Variants in FERMT1 observed in about 807,000 individuals in gnomAD.
FERMT1 encodes fermitin family homolog 1.
FERMT1 carries 60 observed loss-of-function variants against 85.3 expected under a neutral mutation model. The observed-to-expected ratio is 0.70, with a 90% CI of 0.57 to 0.87. The LOEUF is 0.87. FERMT1 is among the 40% of genes least tolerant of loss of function. FERMT1 has a pLI of 0.00. For synonymous variants in FERMT1, 275 were observed against 301.1 expected (o/e 0.91, Z 0.90); for missense variants, 701 against 818.9 (o/e 0.86, Z 1.76).
At chr20:6,119,362 G>C (rs755586286) in intron 2 of FERMT1, 42 bp downstream of exon 2, 1 of 1,596,164 alleles carries the variant, frequency 6.3e-7, no homozygotes. Flanking sequence ...GCACCAGACA[G>C]GGTTTCTAAT....
intron 11 of FERMT1, among the ~76,000 whole-genome samples, chr20:6,086,804 T>C (rs1982200151): frequency 6.6e-6 from 1 of 152,168 alleles, no homozygotes; most frequent in South Asian, 2.1e-4. Flanking sequence ...GCTAAGATTG[T>C]AAGTTTCCTG....
chr20:6,083,113 G>A (rs989550525), intron 13 of FERMT1, among the ~76,000 whole-genome samples: 5 of 152,248 alleles, frequency 3.3e-5, no homozygotes, highest in Non-Finnish European at 5.9e-5. Flanking sequence ...TTGCTGTACT[G>A]TAGGATTGGG....
intron 6 of FERMT1, among the ~76,000 whole-genome samples, chr20:6,098,564 A>G (rs1003299059): frequency 6.6e-6 from 1 of 151,154 alleles, no homozygotes; most frequent in Non-Finnish European, 1.5e-5. Context: ...ATATAAATTT[A>G]ATATAAAATA....
At chr20:6,089,535 C>T (rs989802406) in intron 9 of FERMT1, among the ~76,000 whole-genome samples, 4 of 152,174 alleles carry the variant, frequency 2.6e-5, no homozygotes, top group Non-Finnish European at 4.4e-5. Flanking sequence ...TTTGGAATCT[C>T]GGCATACTTT....
rs1269998452 is a variant in FERMT1 at position 6,105,000 on chromosome 20, A to G, written c.849+2532T>C. Among the ~76,000 whole-genome samples the G allele has an allele frequency of 6.6e-6, 1 of 152,190 alleles. No homozygotes were observed. The highest frequency in any genetic ancestry group is 6.5e-5 in the Admixed American group (1 of 15,272). ...AAAGAAACTGCTGGAAGGGTCCCCA[A>G]GGACCCTATGAGTCCTTGGGCTGAG... On this transcript the variant is annotated intron_variant, in intron 6 of 14. Transcript: ENST00000217289. This position sits in a 1 kb window ranked among gnomAD's most constrained non-coding sequence, Gnocchi z 4.2.
chr20:6,111,812 A>G (rs905439497), intron 4 of FERMT1, among the ~76,000 whole-genome samples: 1 of 152,070 alleles, frequency 6.6e-6, no homozygotes, highest in African/African-American at 2.4e-5. Context: ...TCACACAATG[A>G]TAGAATCATG....
At position 6,095,000 on chromosome 20, in the gene FERMT1, CAAAT is replaced by C. The variant is rs565288503; in HGVS notation, c.1090-16_1090-13del. 2.9e-5 allele frequency: 44 copies of C among 1,493,700 alleles called. No individual in the cohort carries two copies. Among genetic ancestry groups the C allele is most frequent in the Admixed American group, 1.0e-4 (6 of 59,838 alleles). The allele number at this position is 1,493,700 out of a possible 1,614,324, so 92.5% of individuals were successfully genotyped here. A position where few individuals can be genotyped will look rare whatever the true frequency, so the allele number is the denominator to read the frequency against. On this transcript the variant is annotated splice_polypyrimidine_tract_variant and intron_variant, in intron 8 of 14. Coordinates refer to ENST00000217289, the MANE Select transcript of FERMT1 (RefSeq NM_017671.5). ...TCAGTAATGTCCTCCTAAGAAAAAA[CAAAT>C]AAAGTTTCAAAAGCAGGAACTTCAT...
intron 6 of FERMT1, among the ~76,000 whole-genome samples, chr20:6,099,404 G>GA (rs200572377): frequency 0.1 from 11,207 of 111,444 alleles, 914 homozygotes; most frequent in East Asian, 0.5. Flanking sequence ...AGACTGTCTC[G>GA]AAAAAAAAAA....
At chr20:6,094,917 T>G (rs1982461116) in intron 9 of FERMT1, 22 bp downstream of exon 9, 1 of 1,317,576 alleles carries the variant, frequency 7.6e-7, no homozygotes, top group Admixed American at 1.7e-5. Flanking sequence ...GTAACTCCTT[T>G]TCCCCATAAA....
intron 6 of FERMT1, among the ~76,000 whole-genome samples, chr20:6,101,474 C>T (rs931856621): frequency 6.6e-6 from 1 of 152,116 alleles, no homozygotes; most frequent in African/African-American, 2.4e-5. Flanking sequence ...AATGATCCTA[C>T]TTATCTAGGG....
chr20:6,101,716 G>A (rs921249745), intron 6 of FERMT1, among the ~76,000 whole-genome samples: 9 of 152,104 alleles, frequency 5.9e-5, no homozygotes, highest in Non-Finnish European at 1.0e-4. Flanking sequence ...GCAATGGCGC[G>A]ATCTCAGCTC....
intron 13 of FERMT1, among the ~76,000 whole-genome samples, chr20:6,083,685 C>T (rs1366263244): frequency 2.2e-5 from 3 of 137,154 alleles, no homozygotes; most frequent in African/African-American, 5.5e-5. Flanking sequence ...TCCCCACACC[C>T]GATCTCTTAA....
At chr20:6,098,805 C>T (rs1982576787) in intron 6 of FERMT1, among the ~76,000 whole-genome samples, 1 of 152,138 alleles carries the variant, frequency 6.6e-6, no homozygotes, top group Non-Finnish European at 1.5e-5. Flanking sequence ...ATCTAAAAGA[C>T]AGGTAATAAC....
At chr20:6,103,202 T>G (rs1471098365) in intron 6 of FERMT1, among the ~76,000 whole-genome samples, 1 of 152,242 alleles carries the variant, frequency 6.6e-6, no homozygotes, top group Non-Finnish European at 1.5e-5. Context: ...AGTTTCTCTA[T>G]GGGCTGTTTT....
chr20:6,122,210 C>T (rs377267547), intron 1 of FERMT1, among the ~76,000 whole-genome samples: 6 of 152,302 alleles, frequency 3.9e-5, no homozygotes, highest in African/African-American at 1.4e-4. Context: ...CATTCCTTTC[C>T]TATCTTTCTG....
At chr20:6,097,853 C>T (rs187906810) in intron 6 of FERMT1, among the ~76,000 whole-genome samples, 28 of 150,452 alleles carry the variant, frequency 1.9e-4, no homozygotes, top group African/African-American at 6.1e-4. Context: ...CTCACTCTGT[C>T]GCCTAGGCTG....
chr20:6,099,309 G>A (rs1311959148), intron 6 of FERMT1, among the ~76,000 whole-genome samples: 1 of 151,684 alleles, frequency 6.6e-6, no homozygotes, highest in African/African-American at 2.4e-5. Flanking sequence ...GGAGGGTGAG[G>A]TGGGAGAATC....
At chr20:6,114,563 T>A (rs977223363) in intron 3 of FERMT1, among the ~76,000 whole-genome samples, 1 of 152,234 alleles carries the variant, frequency 6.6e-6, no homozygotes, top group African/African-American at 2.4e-5. Flanking sequence ...TTTCAAATCC[T>A]CATTAGAATA....
chr20:6,116,955 A>G (rs1460393782), intron 2 of FERMT1, among the ~76,000 whole-genome samples: 1 of 152,192 alleles, frequency 6.6e-6, no homozygotes, highest in Non-Finnish European at 1.5e-5. Flanking sequence ...GGGAGTAGCA[A>G]TAGCCTCCAA....
Sources: gnomAD v4.1 joint callset for allele counts (sites outside exome capture counted in the v4.1 genomes callset) on GRCh38, gnomAD v4.1.1 for gene constraint, Gnocchi (gnomAD v3.1) non-coding constraint, MANE v1.5 for transcripts, NCBI Gene and HGNC (gene_info 2026-07-23, HGNC 2026-07-21) for gene names.